DOCK2: variants seen among roughly 807,000 people sequenced by gnomAD.
The protein encoded by DOCK2 is dedicator of cytokinesis 2, also known as dedicator of cytokinesis protein 2.
Under a neutral mutation model 248.9 loss-of-function variants are expected in DOCK2, and 87 were observed. That is an observed-to-expected ratio of 0.35 (90% CI 0.29 to 0.42). The LOEUF (loss-of-function observed/expected upper bound fraction) is 0.42, where lower values mean the gene tolerates loss of function less well. DOCK2 is among the 10% of genes least tolerant of loss of function. DOCK2 has a pLI of 1.00. For missense variants in DOCK2, 1,747 were observed against 2,300.2 expected (o/e 0.76, Z 4.92); for synonymous variants, 805 against 821.6 (o/e 0.98, Z 0.35).
intron 42 of DOCK2, among the ~76,000 whole-genome samples, chr5:170,055,729 A>G (rs979990334): frequency 3.9e-5 from 6 of 152,362 alleles, no homozygotes; most frequent in Non-Finnish European, 7.4e-5. Flanking sequence ...TGGCTGGGCA[A>G]GTGATAGGCA....
intron 8 of DOCK2, among the ~76,000 whole-genome samples, chr5:169,688,213 A>G (rs1470139597): frequency 6.6e-6 from 1 of 152,258 alleles, no homozygotes. Context: ...GGCATGAGCC[A>G]CTGTGCCCAG....
Position 170,019,047 on chromosome 5 carries a change from C to T in DOCK2, c.3320C>T (p.Thr1107Ile). The change falls in exon 33 of 52, where the codon ACC (threonine) becomes ATC (isoleucine). Residue 1107 changes from threonine to isoleucine, a missense_variant. Physicochemically the swap from Thr to Ile is moderately conservative, Grantham distance 89. This residue lies in a region of DOCK2 where 858 missense variants were observed against 1,183.5 expected (regional missense o/e 0.72). Coordinates refer to ENST00000520908, the MANE Select transcript of DOCK2 (RefSeq NM_004946.3). Reference protein sequence around the residue: ...LIPEAELRKATIPIFFDMMLC... With the variant: ...LIPEAELRKAIIPIFFDMMLC... ...CCTGAGGCTGAGCTCCGGAAAGCCACCATACCAATCTTCTTCGACATGATG... is the reference window on the plus strand; with the variant it reads ...CCTGAGGCTGAGCTCCGGAAAGCCATCATACCAATCTTCTTCGACATGATG... 1 of 1,614,062 alleles carries T rather than the reference C, an allele frequency of 6.2e-7. No individual in the cohort carries two copies. The highest frequency in any genetic ancestry group is 8.5e-7 in the Non-Finnish European group (1 of 1,179,968).
intron 32 of DOCK2, among the ~76,000 whole-genome samples, chr5:170,012,174 T>G: frequency 6.6e-6 from 1 of 152,206 alleles, no homozygotes; most frequent in South Asian, 2.1e-4. Context: ...CAAATAATTT[T>G]TTTCAAAGTG....
At chr5:169,974,362 T>C (rs114033607) in intron 27 of DOCK2, among the ~76,000 whole-genome samples, 1 of 152,364 alleles carries the variant, frequency 6.6e-6, no homozygotes, top group African/African-American at 2.4e-5. Flanking sequence ...TGACTAATAC[T>C]AACTTCTCTT....
At chr5:169,809,291 A>G (rs1290213638) in intron 26 of DOCK2, among the ~76,000 whole-genome samples, 3 of 152,166 alleles carry the variant, frequency 2.0e-5, no homozygotes, top group Admixed American at 6.5e-5. Flanking sequence ...GCGCCCGGCC[A>G]GGTTTTGATG....
chr5:170,064,807 C>A (rs1757437637), intron 44 of DOCK2, among the ~76,000 whole-genome samples: 1 of 152,130 alleles, frequency 6.6e-6, no homozygotes, highest in Admixed American at 6.5e-5. Context: ...AAAAGTATTT[C>A]TCAAACAAAC....
chr5:170,059,528 A>G (rs1757254201), intron 44 of DOCK2, among the ~76,000 whole-genome samples: 1 of 152,184 alleles, frequency 6.6e-6, no homozygotes, highest in Non-Finnish European at 1.5e-5. Context: ...ACTGTGTGTC[A>G]GCCCAAAGCA....
intron 26 of DOCK2, among the ~76,000 whole-genome samples, chr5:169,836,213 T>C (rs1325585383): frequency 6.6e-6 from 1 of 152,242 alleles, no homozygotes; most frequent in Non-Finnish European, 1.5e-5. Context: ...AATTAGACAC[T>C]GAGCACATCA....
chr5:169,911,696 G>T (rs898650019), intron 27 of DOCK2, among the ~76,000 whole-genome samples: 1 of 152,170 alleles, frequency 6.6e-6, no homozygotes, highest in African/African-American at 2.4e-5. Context: ...AATTAGCCAA[G>T]AAGTTGGTGC....
At chr5:169,679,838 CA>C (rs767708397) in intron 6 of DOCK2, among the ~76,000 whole-genome samples, 16 of 152,296 alleles carry the variant, frequency 1.1e-4, no homozygotes, top group Middle Eastern at 3.4e-3. Flanking sequence ...ATGCGCCTCT[CA>C]ATTCGATTCT....
intron 27 of DOCK2, among the ~76,000 whole-genome samples, chr5:169,904,686 A>G (rs1437300638): frequency 6.6e-6 from 1 of 152,172 alleles, no homozygotes; most frequent in Non-Finnish European, 1.5e-5. Flanking sequence ...TTAAACAGAC[A>G]ATAAGTCTGA....
At chr5:169,754,200 A>G (rs1411244114) in intron 23 of DOCK2, among the ~76,000 whole-genome samples, 1 of 152,286 alleles carries the variant, frequency 6.6e-6, no homozygotes, top group East Asian at 1.9e-4. Flanking sequence ...CTGAGTTTGG[A>G]GGCATCCTAG....
Position 170,042,134 on chromosome 5 carries a change from T to C in DOCK2, c.3876+2T>C. The stretch of plus-strand genomic sequence containing the variant: ...ATAGGCTACTTTGACAAAGGAAAGG[T>C]AATCTGTCCCTGCCCACCCCCCGTG... On this transcript the variant is annotated splice_donor_variant, in intron 38 of 51. Transcript: ENST00000520908. LOFTEE classifies it high-confidence loss of function. 6.2e-7 allele frequency: 1 copy of C among 1,609,110 alleles called. No homozygotes were observed. The highest frequency in any genetic ancestry group is 8.5e-7 in the Non-Finnish European group (1 of 1,177,286).
intron 27 of DOCK2, among the ~76,000 whole-genome samples, chr5:169,898,905 A>G (rs1334115490): frequency 2.0e-5 from 3 of 152,244 alleles, no homozygotes; most frequent in Admixed American, 2.0e-4. Flanking sequence ...ATGAGCAACC[A>G]CAGAGACTAA....
At chr5:169,839,253 G>A (rs392671) in intron 26 of DOCK2, among the ~76,000 whole-genome samples, 3 of 151,708 alleles carry the variant, frequency 2.0e-5, no homozygotes, top group Non-Finnish European at 4.4e-5. Context: ...AATTGCTGAC[G>A]CTCAGGCTCT....
chr5:169,685,409 C>A lies in DOCK2; in HGVS notation c.761+1059C>A, dbSNP rs186658710. Among the ~76,000 whole-genome samples the A allele has an allele frequency of 1.6e-4, 24 of 152,280 alleles. 1 individual carries two copies. The East Asian group carries it at 4.4e-3, about 28-fold the overall frequency. ...GGCCTCTACTTGTGGCTTAGACCAT[C>A]CTTCCTCTCAGGCGACCACTGCCTG... On this transcript the variant is annotated intron_variant, in intron 8 of 51. Transcript: ENST00000520908.
At chr5:169,903,412 T>C (rs1774067490) in intron 27 of DOCK2, among the ~76,000 whole-genome samples, 1 of 149,730 alleles carries the variant, frequency 6.7e-6, no homozygotes, top group Non-Finnish European at 1.5e-5. Context: ...TGGAGCAGCA[T>C]GCATCCCTGA....
chr5:169,927,274 G>C (rs532779413), intron 27 of DOCK2, among the ~76,000 whole-genome samples: 2 of 152,150 alleles, frequency 1.3e-5, no homozygotes, highest in African/African-American at 4.8e-5. Context: ...AGATCCTCTA[G>C]AGCCTTGTAG....
At chr5:169,916,569 A>T (rs1774885965) in intron 27 of DOCK2, among the ~76,000 whole-genome samples, 1 of 152,208 alleles carries the variant, frequency 6.6e-6, no homozygotes, top group Non-Finnish European at 1.5e-5. Context: ...TAAAGTGGAG[A>T]CAATGATAGT....
Sources: gnomAD v4.1 joint callset for allele counts (sites outside exome capture counted in the v4.1 genomes callset) on GRCh38, gnomAD v4.1.1 for gene constraint, gnomAD v4.1.1 regional missense constraint, MANE v1.5 for transcripts, NCBI Gene and HGNC (gene_info 2026-07-23, HGNC 2026-07-21) for gene names.